Variants in SDR42E1 observed in about 807,000 individuals in gnomAD.
SDR42E1 encodes short-chain dehydrogenase/reductase family 42E member 1.
SDR42E1 carries 5 observed loss-of-function variants against 2.6 expected under a neutral mutation model. The ratio of observed to expected loss-of-function variants is 1.94; its 90% CI spans 1.01 to 4.08. The LOEUF (loss-of-function observed/expected upper bound fraction) is 4.08, where lower values mean the gene tolerates loss of function less well. SDR42E1 is among the 30% of genes most tolerant of loss of function. The pLI is 0.00. For synonymous variants in SDR42E1, 231 were observed against 188.3 expected, an observed-to-expected ratio of 1.23 and a Z score of -1.86; for missense variants, 596 against 478.6, an observed-to-expected ratio of 1.25 and a Z score of -2.29.
intron 1 of SDR42E1, among the ~76,000 whole-genome samples, chr16:82,004,344 G>A (rs915155979): frequency 6.6e-6 from 1 of 152,146 alleles, no homozygotes; most frequent in Non-Finnish European, 1.5e-5. Flanking sequence ...CGAATAAATG[G>A]ATCACATGCA....
In SDR42E1 at chr16:81,991,241, G is replaced by C. The variant is rs543715722; in HGVS notation, c.*7870C>G. 2.0e-5 allele frequency: 3 copies of C among 152,130 alleles called. No individual in the cohort carries two copies. The highest frequency in any genetic ancestry group is 4.8e-5 in the African/African-American group (2 of 41,408). 9.4% of individuals were successfully genotyped at this position (152,130 alleles called of 1,614,324 possible). On this transcript the variant is annotated 3_prime_UTR_variant, in exon 3 of 3. Transcript: ENST00000328945. ...CCCCGCCCACACACCTCAGCTCTACGTAATACATACTCACATGACAAAATA... is the reference window on the plus strand; with the variant it reads ...CCCCGCCCACACACCTCAGCTCTACCTAATACATACTCACATGACAAAATA...
rs1226406711 is a variant in SDR42E1, at chr16:81,992,461, T to C, written c.*6650A>G. 1 of 152,130 alleles carries C rather than the reference T, an allele frequency of 6.6e-6. No individual in the cohort carries two copies. Among genetic ancestry groups the C allele is most frequent in the African/African-American group, 2.4e-5 (1 of 41,418 alleles). The allele number at this position is 152,130 out of a possible 1,614,324, so 9.4% of individuals were successfully genotyped here. On this transcript the variant is annotated 3_prime_UTR_variant, in exon 3 of 3. Coordinates refer to ENST00000328945, the MANE Select transcript of SDR42E1 (RefSeq NM_145168.3). The stretch of plus-strand genomic sequence containing the variant: ...TCAGGACACTAACTCCTAGTGACTG[T>C]TAAGAGCAAAAGACGACTCATTCTT...
Position 81,999,650 on chromosome 16 carries a change from C to T in SDR42E1, c.643G>A (p.Asp215Asn), listed in dbSNP as rs199769661. The T allele has an allele frequency of 3.5e-4, 566 of 1,614,042 alleles. 4 individuals carry two copies. Among genetic ancestry groups the T allele is most frequent in the Middle Eastern group, 1.6e-4 (1 of 6,082 alleles). The change falls in exon 3 of 3, where the codon GAC becomes AAC. Residue 215 changes from aspartate (D) to asparagine (N), a missense_variant. Physicochemically the swap from Asp to Asn is conservative, Grantham distance 23. Transcript: ENST00000328945. ...ACAAACTCAACCAGGCTCCTGGGGT[C>T]CCCGTAGACAAACTTGAACAGACCC... is the stretch of plus-strand genomic sequence containing the variant. ...EKGLFKFVYGDPRSLVEFVHV... is the reference protein window; with the variant it reads ...EKGLFKFVYGNPRSLVEFVHV...
Position 82,000,827 on chromosome 16 carries a change from A to C in SDR42E1, c.32T>G (p.Val11Gly). 3 of 1,613,944 alleles carry C rather than the reference A, an allele frequency of 1.9e-6. No homozygotes were observed. The highest frequency in any genetic ancestry group is 1.7e-6 in the Non-Finnish European group (2 of 1,179,950). MDPKRSQKESVLITGGSGYFG... is the reference protein window; with the variant it reads MDPKRSQKESGLITGGSGYFG... ...ATAGCCACTTCCTCCTGTAATGAGG[A>C]CACTTTCCTTTTGAGATCTTTTGGG... Residue 11 changes from valine (V) to glycine (G), a missense_variant, in exon 2 of 3, where the codon GTC (valine) becomes GGC (glycine). Physicochemically the swap from Val to Gly is moderately radical, Grantham distance 109. Coordinates refer to ENST00000328945, the MANE Select transcript of SDR42E1 (RefSeq NM_145168.3).
intron 1 of SDR42E1, among the ~76,000 whole-genome samples, chr16:82,003,608 T>C (rs1912841375): frequency 6.6e-6 from 1 of 152,202 alleles, no homozygotes; most frequent in Non-Finnish European, 1.5e-5. Context: ...ACTAGGTCCT[T>C]TTCTGGAAGC....
At chr16:82,010,425 CATT>C (rs953279537) in intron 1 of SDR42E1, among the ~76,000 whole-genome samples, 3 of 152,106 alleles carry the variant, frequency 2.0e-5, no homozygotes, top group Non-Finnish European at 2.9e-5. Flanking sequence ...TCGCTTAGGT[CATT>C]ATCTTATCAC....
rs1483101769 is a variant in SDR42E1 at position 81,994,911 on chromosome 16, C to G, written c.*4200G>C. The G allele has an allele frequency of 1.3e-5, 2 of 152,168 alleles. No homozygotes were observed. The highest frequency in any genetic ancestry group is 4.8e-5 in the African/African-American group (2 of 41,432). 9.4% of individuals were successfully genotyped at this position (152,168 alleles called of 1,614,324 possible). ...TGAAAAGAATCCCTAGGCCTATTCC[C>G]TAGGTTTGAGAAACACCACAGCATA... On this transcript the variant is annotated 3_prime_UTR_variant, in exon 3 of 3. Coordinates refer to ENST00000328945, the MANE Select transcript of SDR42E1 (RefSeq NM_145168.3).
In SDR42E1 at chr16:81,991,614, G is replaced by C. The variant is rs369255945; in HGVS notation, c.*7497C>G. The C allele has an allele frequency of 2.0e-5, 3 of 151,846 alleles. No homozygotes were observed. The highest frequency in any genetic ancestry group is 7.3e-5 in the African/African-American group (3 of 41,210). The allele number at this position is 151,846 out of a possible 1,614,324, so 9.4% of individuals were successfully genotyped here. A position where few individuals can be genotyped will look rare whatever the true frequency, so the allele number is the denominator to read the frequency against. On this transcript the variant is annotated 3_prime_UTR_variant, in exon 3 of 3. Transcript: ENST00000328945. ...TAGTCCCAGTTACTTGGGAGGCTGAGGTAGGACAATCATTTGAGCCCAGGA... is the reference window on the plus strand; with the variant it reads ...TAGTCCCAGTTACTTGGGAGGCTGACGTAGGACAATCATTTGAGCCCAGGA...
chr16:82,005,033 CTG>C (rs1309711853), intron 1 of SDR42E1, among the ~76,000 whole-genome samples: 1 of 152,236 alleles, frequency 6.6e-6, no homozygotes, highest in Non-Finnish European at 1.5e-5. Context: ...CTTAATATCT[CTG>C]TAAGAATTCC....
chr16:81,990,536 C>T lies in SDR42E1; in HGVS notation c.*8575G>A, dbSNP rs973854436. 1 of 152,136 alleles carries T rather than the reference C, an allele frequency of 6.6e-6. No individual in the cohort carries two copies. Among genetic ancestry groups the T allele is most frequent in the African/African-American group, 2.4e-5 (1 of 41,420 alleles). The allele number at this position is 152,136 out of a possible 1,614,324, so 9.4% of individuals were successfully genotyped here. A position where few individuals can be genotyped will look rare whatever the true frequency, so the allele number is the denominator to read the frequency against. On this transcript the variant is annotated 3_prime_UTR_variant, in exon 3 of 3. Transcript: ENST00000328945. ...TCCCCTCCAAACCCTTCCATCTTTC[C>T]CAGCAGAAACACTATTAATTAAGGA...
Position 81,992,189 on chromosome 16 carries a change from C to T in SDR42E1, c.*6922G>A, listed in dbSNP as rs73598796. On this transcript the variant is annotated 3_prime_UTR_variant, in exon 3 of 3. Transcript: ENST00000328945. ...AGAAAAAAAAATTAGAAAGCCTTAT[C>T]CTGAGTAAACTCTCAACAAATAGTA... The T allele has an allele frequency of 2.0e-5, 3 of 152,122 alleles. No individual in the cohort carries two copies. Among genetic ancestry groups the T allele is most frequent in the Non-Finnish European group, 4.4e-5 (3 of 68,084 alleles). The allele number at this position is 152,122 out of a possible 1,614,324, so 9.4% of individuals were successfully genotyped here.
At position 81,993,137 on chromosome 16, in the gene SDR42E1, G is replaced by C. The variant is rs1567560412; in HGVS notation, c.*5974C>G. On this transcript the variant is annotated 3_prime_UTR_variant, in exon 3 of 3. Coordinates refer to ENST00000328945, the MANE Select transcript of SDR42E1 (RefSeq NM_145168.3). ...TAAAGGAGCAGGTGGGGGGTCACTC[G>C]AATCCAAGGCCCTTTGGCGAGTCCC... 3 of 152,234 alleles carry C rather than the reference G, an allele frequency of 2.0e-5. No individual in the cohort carries two copies. The highest frequency in any genetic ancestry group is 4.8e-5 in the African/African-American group (2 of 41,426). The allele number at this position is 152,234 out of a possible 1,614,324, so 9.4% of individuals were successfully genotyped here. A position where few individuals can be genotyped will look rare whatever the true frequency, so the allele number is the denominator to read the frequency against.
intron 1 of SDR42E1, among the ~76,000 whole-genome samples, chr16:82,001,085 G>A (rs577359306): frequency 1.3e-5 from 2 of 152,344 alleles, no homozygotes; most frequent in Non-Finnish European, 2.9e-5. Flanking sequence ...CATGGGGACA[G>A]TAATACCTGC....
rs1015067151 is a variant in SDR42E1 at position 81,992,893 on chromosome 16, C to T, written c.*6218G>A. The T allele has an allele frequency of 6.6e-6, 1 of 152,070 alleles. No homozygotes were observed. Among genetic ancestry groups the T allele is most frequent in the Non-Finnish European group, 1.5e-5 (1 of 68,024 alleles). 9.4% of individuals were successfully genotyped at this position (152,070 alleles called of 1,614,324 possible). On this transcript the variant is annotated 3_prime_UTR_variant, in exon 3 of 3. Transcript: ENST00000328945. ...AGAAGGGTAACATGGTATGAATTTG[C>T]ACAACTTAGAGATACCAGGGACTGG...
rs1009997370 is a variant in SDR42E1, at chr16:81,999,831, C to A, written c.462G>T (p.Arg154=). Residue 154 remains arginine (R), a synonymous_variant, in exon 3 of 3, where the codon CGG becomes CGT. Coordinates refer to ENST00000328945, the MANE Select transcript of SDR42E1 (RefSeq NM_145168.3). ...PLHLHPDHYS[R]TKSIAEQKVL... ...CCTTCTGCTCTGCAATTGACTTTGTCCGAGAGTAGTGATCAGGGTGGAGGT... is the reference window on the plus strand; with the variant it reads ...CCTTCTGCTCTGCAATTGACTTTGTACGAGAGTAGTGATCAGGGTGGAGGT... 3 of 1,614,160 alleles carry A rather than the reference C, an allele frequency of 1.9e-6. No individual in the cohort carries two copies. Among genetic ancestry groups the A allele is most frequent in the Non-Finnish European group, 2.5e-6 (3 of 1,180,022 alleles).
chr16:82,006,856 G>A (rs1281295426), intron 1 of SDR42E1, among the ~76,000 whole-genome samples: 1 of 152,118 alleles, frequency 6.6e-6, no homozygotes, highest in South Asian at 2.1e-4. Flanking sequence ...TTACCTAAGG[G>A]CATAGAGTTA....
Position 81,999,845 on chromosome 16 carries a change from C to T in SDR42E1, c.448G>A (p.Asp150Asn). The change falls in exon 3 of 3, where the codon GAT becomes AAT. Residue 150 changes from aspartate (D) to asparagine (N), a missense_variant. By Grantham distance (23) the Asp-to-Asn change is conservative (BLOSUM62 1). Coordinates refer to ENST00000328945, the MANE Select transcript of SDR42E1 (RefSeq NM_145168.3). ...LPYLPLHLHP[D>N]HYSRTKSIAE... Reference sequence around the variant, plus strand: ...ATTGACTTTGTCCGAGAGTAGTGATCAGGGTGGAGGTGAAGAGGCAGGTAG... The same window carrying T: ...ATTGACTTTGTCCGAGAGTAGTGATTAGGGTGGAGGTGAAGAGGCAGGTAG... The T allele has an allele frequency of 6.2e-7, 1 of 1,614,152 alleles. No individual in the cohort carries two copies. Among genetic ancestry groups the T allele is most frequent in the Non-Finnish European group, 8.5e-7 (1 of 1,180,034 alleles).
At chr16:82,007,259 T>G (rs562010521) in intron 1 of SDR42E1, among the ~76,000 whole-genome samples, 14 of 152,340 alleles carry the variant, frequency 9.2e-5, no homozygotes, top group African/African-American at 3.1e-4. Flanking sequence ...GTACTACACT[T>G]GTACTTTCTT....
chr16:82,010,763 ACATTAAGAATACATC>A (rs1280806425), intron 1 of SDR42E1, among the ~76,000 whole-genome samples: 2 of 152,208 alleles, frequency 1.3e-5, no homozygotes, highest in Non-Finnish European at 2.9e-5. Flanking sequence ...GGCTCTGACC[ACATTAAGAATACATC>A]GTCAGGACCG....
Sources: gnomAD v4.1 joint callset for allele counts (sites outside exome capture counted in the v4.1 genomes callset) on GRCh38, gnomAD v4.1.1 for gene constraint, MANE v1.5 for transcripts, NCBI Gene and HGNC (gene_info 2026-07-23, HGNC 2026-07-21) for gene names.